SLC8A2: variants seen among roughly 807,000 people sequenced by gnomAD.
SLC8A2 encodes solute carrier family 8 member A2.
In SLC8A2, 14 loss-of-function variants were observed where a neutral mutation model predicts 70.2. The ratio of observed to expected loss-of-function variants is 0.20; its 90% CI spans 0.13 to 0.31. The LOEUF is 0.31. SLC8A2 is among the 10% of genes least tolerant of loss of function. The probability of loss-of-function intolerance (pLI) is 1.00; values close to 1 mark genes in which losing one functional copy is unlikely to be tolerated. For synonymous variants in SLC8A2, 575 were observed against 594.3 expected, an observed-to-expected ratio of 0.97 and a Z score of 0.47; for missense variants, 779 against 1,320.1, an observed-to-expected ratio of 0.59 and a Z score of 6.35.
At chr19:47,463,675 G>T (rs1967424152) in intron 2 of SLC8A2, among the ~76,000 whole-genome samples, 1 of 134,204 alleles carries the variant, frequency 7.5e-6, no homozygotes, top group Non-Finnish European at 1.6e-5. Context: ...GAAAGACTCT[G>T]TCTCAAAAAA....
intron 3 of SLC8A2, among the ~76,000 whole-genome samples, chr19:47,453,726 C>T (rs1047609833): frequency 6.6e-6 from 1 of 152,106 alleles, no homozygotes; most frequent in South Asian, 2.1e-4. Flanking sequence ...CATGGTGAAA[C>T]CTTGTCTCTA....
Position 47,430,569 on chromosome 19 carries a change from C to T in SLC8A2, c.2390-104G>A, listed in dbSNP as rs1204799779. On this transcript the variant is annotated intron_variant, in intron 9 of 9. Transcript: ENST00000236877. This position sits in a 1 kb window ranked among gnomAD's most constrained non-coding sequence, Gnocchi z 5.9. ...GCCTTTCCCGGTCGCCTGCTTTCTGCGGGCAGTGTGGGCTCAAGACCCCTG... is the reference window on the plus strand; with the variant it reads ...GCCTTTCCCGGTCGCCTGCTTTCTGTGGGCAGTGTGGGCTCAAGACCCCTG... 1.6e-5 allele frequency: 21 copies of T among 1,296,634 alleles called. No individual in the cohort carries two copies. The South Asian group carries it at 2.3e-4, about 14-fold the overall frequency. 80.3% of individuals were successfully genotyped at this position (1,296,634 alleles called of 1,614,324 possible). A position where few individuals can be genotyped will look rare whatever the true frequency, so the allele number is the denominator to read the frequency against.
At position 47,468,093 on chromosome 19, in the gene SLC8A2, C is replaced by G. The variant is rs955914772; in HGVS notation, c.-16-1674G>C. 2.6e-5 allele frequency among the ~76,000 whole-genome samples: 4 copies of G among 151,880 alleles called. No homozygotes were observed. The highest frequency in any genetic ancestry group is 5.9e-5 in the Non-Finnish European group (4 of 67,956). ...AGAACCCCCGCCAGCTCCCATCTCACTCACAGCACCAGCGTCCTCTCCAGG... is the reference window on the plus strand; with the variant it reads ...AGAACCCCCGCCAGCTCCCATCTCAGTCACAGCACCAGCGTCCTCTCCAGG... On this transcript the variant is annotated intron_variant, in intron 1 of 9. Transcript: ENST00000236877. This position sits in a 1 kb window ranked among gnomAD's most constrained non-coding sequence, Gnocchi z 5.1.
At position 47,447,042 on chromosome 19, in the gene SLC8A2, C is replaced by A. The variant is rs528207353; in HGVS notation, c.1763+767G>T. ...CCAGGCCCCCAGATTCCAGCACCAT[C>A]TTTTCCCAAATCCTCGCCCAGATTC... On this transcript the variant is annotated intron_variant, in intron 4 of 9. Coordinates refer to ENST00000236877, the MANE Select transcript of SLC8A2 (RefSeq NM_015063.3). The surrounding 1 kb of genome is among the most constrained non-coding windows in gnomAD (Gnocchi z 5.1). 6.6e-6 allele frequency among the ~76,000 whole-genome samples: 1 copy of A among 151,800 alleles called. No homozygotes were observed. Among genetic ancestry groups the A allele is most frequent in the Non-Finnish European group, 1.5e-5 (1 of 67,896 alleles).
Position 47,437,977 on chromosome 19 carries a change from C to A in SLC8A2, c.1886-4G>T, listed in dbSNP as rs1352997223. 3.1e-6 allele frequency: 5 copies of A among 1,613,910 alleles called. No homozygotes were observed. Among genetic ancestry groups the A allele is most frequent in the Non-Finnish European group, 3.4e-6 (4 of 1,180,004 alleles). ...GTTAGCTTCCTGTCCCCATCCCCTG[C>A]AGCATGAGGGGTGGGGGTTAGACTC... is the stretch of plus-strand genomic sequence containing the variant. On this transcript the variant is annotated splice_region_variant and splice_polypyrimidine_tract_variant and intron_variant, in intron 6 of 9. Coordinates refer to ENST00000236877, the MANE Select transcript of SLC8A2 (RefSeq NM_015063.3).
chr19:47,461,713 T>C (rs764060017), intron 2 of SLC8A2, among the ~76,000 whole-genome samples: 20 of 152,234 alleles, frequency 1.3e-4, no homozygotes, highest in Non-Finnish European at 2.2e-4. Flanking sequence ...ATGAACTCTC[T>C]CCCTTGTATT....
At chr19:47,460,438 C>G (rs570158339) in intron 2 of SLC8A2, among the ~76,000 whole-genome samples, 2 of 152,332 alleles carry the variant, frequency 1.3e-5, no homozygotes, top group South Asian at 4.1e-4. Flanking sequence ...TGGCTCACGC[C>G]TGTAATCCCA....
Position 47,465,655 on chromosome 19 carries a change from T to C in SLC8A2, c.675+74A>G. ...TTTCTGCAAATACAGCAATCAACAC[T>C]CCAAGCCAAGAGCACCTCTCTGGAT... On this transcript the variant is annotated intron_variant, in intron 2 of 9. Coordinates refer to ENST00000236877, the MANE Select transcript of SLC8A2 (RefSeq NM_015063.3). This position sits in a 1 kb window ranked among gnomAD's most constrained non-coding sequence, Gnocchi z 5.5. 1 of 1,303,938 alleles carries C rather than the reference T, an allele frequency of 7.7e-7. No individual in the cohort carries two copies. Among genetic ancestry groups the C allele is most frequent in the Non-Finnish European group, 1.1e-6 (1 of 949,014 alleles). The allele number at this position is 1,303,938 out of a possible 1,614,324, so 80.8% of individuals were successfully genotyped here.
chr19:47,452,411 A>ATG (rs1401781800), intron 3 of SLC8A2, among the ~76,000 whole-genome samples: 10 of 75,730 alleles, frequency 1.3e-4, no homozygotes, highest in African/African-American at 5.1e-4. Flanking sequence ...AGAGAGAGAG[A>ATG]GAGAGAGAGA....
At chr19:47,436,001 G>A (rs1290995859) in intron 8 of SLC8A2, among the ~76,000 whole-genome samples, 1 of 152,170 alleles carries the variant, frequency 6.6e-6, no homozygotes, top group Non-Finnish European at 1.5e-5. Flanking sequence ...TCCACAAGGA[G>A]CAGTGTAGAA....
At chr19:47,441,831 C>T (rs1467742929) in intron 4 of SLC8A2, among the ~76,000 whole-genome samples, 1 of 152,132 alleles carries the variant, frequency 6.6e-6, no homozygotes, top group Non-Finnish European at 1.5e-5. Flanking sequence ...AGGCCGGGCA[C>T]GGTGGCTCAC....
chr19:47,471,132 A>AGG (rs1470230726), intron 1 of SLC8A2, among the ~76,000 whole-genome samples: 6 of 148,414 alleles, frequency 4.0e-5, no homozygotes, highest in Non-Finnish European at 8.9e-5. Context: ...ATGGGGAGGG[A>AGG]GGGAGAGAGA....
intron 8 of SLC8A2, among the ~76,000 whole-genome samples, chr19:47,437,224 G>A (rs187538745): frequency 2.0e-5 from 3 of 151,736 alleles, no homozygotes; most frequent in Admixed American, 6.6e-5. Context: ...TAGAGACAGC[G>A]TCTTGCTCTG....
chr19:47,445,109 G>GTTTTTTTTTTTT (rs1967144466), intron 4 of SLC8A2, among the ~76,000 whole-genome samples: 1 of 135,482 alleles, frequency 7.4e-6, no homozygotes, highest in Non-Finnish European at 1.6e-5. Context: ...CCTTTTTTTC[G>GTTTTTTTTTTTT]GGGGTGGGGT....
At position 47,447,544 on chromosome 19, in the gene SLC8A2, A is replaced by T. The variant is rs73940849; in HGVS notation, c.1763+265T>A. ...CCTAGGCCCCGCCCCTCCCGAGGCC[A>T]AGCCCACTTTGGAGAACGATTCACT... On this transcript the variant is annotated intron_variant, in intron 4 of 9. Transcript: ENST00000236877. This position sits in a 1 kb window ranked among gnomAD's most constrained non-coding sequence, Gnocchi z 5.1. 9.1e-3 allele frequency: 4,301 copies of T among 470,856 alleles called. 149 individuals carry two copies. The highest frequency in any genetic ancestry group is 0.086 in the African/African-American group (3,876 of 45,058). The allele number at this position is 470,856 out of a possible 1,614,324, so 29.2% of individuals were successfully genotyped here.
At chr19:47,460,962 C>T (rs1967386695) in intron 2 of SLC8A2, among the ~76,000 whole-genome samples, 1 of 152,068 alleles carries the variant, frequency 6.6e-6, no homozygotes, top group African/African-American at 2.4e-5. Context: ...GCCTGTAATC[C>T]CAGCACTTTG....
rs1967488101 is a variant in SLC8A2 at position 47,468,163 on chromosome 19, C to T, written c.-16-1744G>A. Among the ~76,000 whole-genome samples, 2 of 151,988 alleles carry T rather than the reference C, an allele frequency of 1.3e-5. No individual in the cohort carries two copies. The highest frequency in any genetic ancestry group is 2.4e-5 in the African/African-American group (1 of 41,386). ...ACCTGGCCCCGACTCCCTCTCTGGC[C>T]TCTTTTCCCACCCTCTCCCCCTTGC... On this transcript the variant is annotated intron_variant, in intron 1 of 9. Transcript: ENST00000236877. The surrounding 1 kb of genome is among the most constrained non-coding windows in gnomAD (Gnocchi z 5.1).
At chr19:47,456,080 T>C (rs1272774548) in intron 3 of SLC8A2, among the ~76,000 whole-genome samples, 4 of 152,254 alleles carry the variant, frequency 2.6e-5, no homozygotes, top group East Asian at 3.8e-4. Flanking sequence ...GGTACACCCA[T>C]TGGCATACAG....
chr19:47,465,633 C>G lies in SLC8A2; in HGVS notation c.675+96G>C, dbSNP rs1967447485. Reference sequence around the variant, plus strand: ...CCCTCTCAGATGTGAGTGTGCATTTCTGCAAATACAGCAATCAACACTCCA... The same window carrying G: ...CCCTCTCAGATGTGAGTGTGCATTTGTGCAAATACAGCAATCAACACTCCA... On this transcript the variant is annotated intron_variant, in intron 2 of 9. Transcript: ENST00000236877. The surrounding 1 kb of genome is among the most constrained non-coding windows in gnomAD (Gnocchi z 5.5). 1 of 1,079,456 alleles carries G rather than the reference C, an allele frequency of 9.3e-7. No individual in the cohort carries two copies. The highest frequency in any genetic ancestry group is 1.3e-6 in the Non-Finnish European group (1 of 755,446). 66.9% of individuals were successfully genotyped at this position (1,079,456 alleles called of 1,614,324 possible). A position where few individuals can be genotyped will look rare whatever the true frequency, so the allele number is the denominator to read the frequency against.
Sources: allele counts gnomAD v4.1 joint callset (sites outside exome capture counted in the v4.1 genomes callset), GRCh38; gene constraint gnomAD v4.1.1; non-coding constraint Gnocchi (gnomAD v3.1); transcripts MANE v1.5; gene names NCBI Gene and HGNC (gene_info 2026-07-23, HGNC 2026-07-21).